The following BFSP2 variants were observed in gnomAD, a reference collection of about 807,000 sequenced individuals.
The protein encoded by BFSP2 is beaded filament structural protein 2, also known as phakinin.
Under a neutral mutation model 44.9 loss-of-function variants are expected in BFSP2, and 38 were observed. The observed-to-expected ratio is 0.85, with a 90% CI of 0.65 to 1.11. BFSP2 has a LOEUF of 1.11. BFSP2 is among the 50% of genes least tolerant of loss of function. The pLI, the probability that BFSP2 is intolerant of heterozygous loss-of-function variation, is 0.00. For synonymous variants in BFSP2, 197 were observed against 209.9 expected (o/e 0.94, Z 0.53); for missense variants, 525 against 533.0 (o/e 0.99, Z 0.15).
In BFSP2 at chr3:133,400,247, G is replaced by A. The variant is rs1039029166; in HGVS notation, c.164G>A (p.Gly55Glu). 4 of 1,613,830 alleles carry A rather than the reference G, an allele frequency of 2.5e-6. No homozygotes were observed. The highest frequency in any genetic ancestry group is 3.4e-6 in the Non-Finnish European group (4 of 1,179,940). The change falls in exon 1 of 7, where the codon GGG (glycine) becomes GAG (glutamate). Residue 55 changes from glycine to glutamate, a missense_variant. Gly to Glu is a moderately conservative substitution (Grantham distance 98). Transcript: ENST00000302334. The surrounding 1 kb of genome is among the most constrained non-coding windows in gnomAD (Gnocchi z 4.0). ...ATGAGTGGCCTTGTCCGAGCACCCG[G>A]GGTCTATGTAGGAACAGCACCCAGT... ...NAMSGLVRAP[G>E]VYVGTAPSGC...
chr3:133,461,359 C>A (rs75041750), intron 4 of BFSP2, among the ~76,000 whole-genome samples: 3 of 152,190 alleles, frequency 2.0e-5, no homozygotes, highest in Non-Finnish European at 4.4e-5. Context: ...AAAATGTCGA[C>A]ATGCTCTCCT....
chr3:133,422,105 CAA>C (rs35193779), intron 1 of BFSP2, among the ~76,000 whole-genome samples: 5 of 84,106 alleles, frequency 5.9e-5, no homozygotes, highest in Admixed American at 1.4e-4. Flanking sequence ...GACTCCATCT[CAA>C]AAAAAAAAAA....
At chr3:133,416,324 C>T (rs1349089556) in intron 1 of BFSP2, among the ~76,000 whole-genome samples, 10 of 143,250 alleles carry the variant, frequency 7.0e-5, no homozygotes, top group African/African-American at 2.4e-4. Flanking sequence ...TCTACTCACC[C>T]GTCCTCTCCC....
chr3:133,472,449 A>T lies in BFSP2; in HGVS notation c.1128A>T (p.Glu376Asp). 6.2e-7 allele frequency: 1 copy of T among 1,614,070 alleles called. No individual in the cohort carries two copies. The highest frequency in any genetic ancestry group is 8.5e-7 in the Non-Finnish European group (1 of 1,180,010). Reference protein sequence around the residue: ...VVGRLEAELREIRAEAEQQQQ... With the variant: ...VVGRLEAELRDIRAEAEQQQQ... ...GCCGGCTGGAGGCGGAGCTCAGGGA[A>T]ATCCGAGCGGAGGCGGAGCAGCAGC... Residue 376 changes from glutamate to aspartate, a missense_variant, in exon 6 of 7, where the codon GAA (glutamate) becomes GAT (aspartate). Physicochemically the swap from Glu to Asp is conservative, Grantham distance 45. Coordinates refer to ENST00000302334, the MANE Select transcript of BFSP2 (RefSeq NM_003571.4).
chr3:133,449,982 A>AAAGGAGGG (rs2073943688), intron 3 of BFSP2, among the ~76,000 whole-genome samples: 1 of 86,286 alleles, frequency 1.2e-5, no homozygotes, highest in Non-Finnish European at 2.3e-5. Flanking sequence ...GGAAAGAAGG[A>AAAGGAGGG]AAGGAAGGAA....
rs2074116457 is a variant in BFSP2 at position 133,466,944 on chromosome 3, A to G, written c.1008A>G (p.Glu336=). 1 of 1,613,954 alleles carries G rather than the reference A, an allele frequency of 6.2e-7. No homozygotes were observed. Among genetic ancestry groups the G allele is most frequent in the African/African-American group, 1.3e-5 (1 of 74,890 alleles). Residue 336 remains glutamate (E), a synonymous_variant, in exon 5 of 7, where the codon GAA becomes GAG. Coordinates refer to ENST00000302334, the MANE Select transcript of BFSP2 (RefSeq NM_003571.4). ...TCCAGAGCCTCCAGGCTGAGACAGA[A>G]TCCTTACGTGCCCTGGTAAGTGGGC... ...CQVQSLQAET[E]SLRALKRGLE...
chr3:133,447,499 C>T (rs2073914406), intron 2 of BFSP2, 100 bp downstream of exon 2: 2 of 1,227,872 alleles, frequency 1.6e-6, no homozygotes, highest in Non-Finnish European at 2.3e-6. Flanking sequence ...CACCTTCTAC[C>T]TCAGGGGAAG....
chr3:133,460,886 C>A (rs1440424490), intron 4 of BFSP2, among the ~76,000 whole-genome samples: 1 of 152,238 alleles, frequency 6.6e-6, no homozygotes, highest in African/African-American at 2.4e-5. Flanking sequence ...GTTGCAAAAA[C>A]CAGAGTGCTC....
chr3:133,413,177 A>T (rs1374618930), intron 1 of BFSP2, among the ~76,000 whole-genome samples: 1 of 152,146 alleles, frequency 6.6e-6, no homozygotes, highest in Non-Finnish European at 1.5e-5. Flanking sequence ...TAAATAAAAT[A>T]TGCAGTAATA....
chr3:133,424,245 T>TGTGTGTGTGTGTGTGTGTGTGTG (rs2073623766), intron 1 of BFSP2, among the ~76,000 whole-genome samples: 4 of 129,786 alleles, frequency 3.1e-5, no homozygotes, highest in Admixed American at 7.3e-5. Flanking sequence ...TTTTTTTGTA[T>TGTGTGTGTGTGTGTGTGTGTGTG]TTTTAGTAGA....
intron 4 of BFSP2, among the ~76,000 whole-genome samples, chr3:133,466,175 G>A (rs2074107719): frequency 1.3e-5 from 2 of 151,022 alleles, no homozygotes; most frequent in Admixed American, 6.6e-5. Context: ...CACGGGGGGG[G>A]CAATACATAT....
chr3:133,440,303 T>C (rs2073832867), intron 1 of BFSP2, among the ~76,000 whole-genome samples: 1 of 152,124 alleles, frequency 6.6e-6, no homozygotes, highest in South Asian at 2.1e-4. Flanking sequence ...CAATTCAAGA[T>C]GAGATTTGGG....
intron 1 of BFSP2, among the ~76,000 whole-genome samples, chr3:133,406,037 G>A (rs1432031439): frequency 1.1e-4 from 17 of 152,116 alleles, no homozygotes; most frequent in African/African-American, 1.2e-4. Flanking sequence ...TGCAACCTCC[G>A]CCTCCCGGGT....
chr3:133,429,932 T>A (rs1433659295), intron 1 of BFSP2, among the ~76,000 whole-genome samples: 52 of 150,818 alleles, frequency 3.4e-4, no homozygotes, highest in South Asian at 2.7e-3. Context: ...CAGTCCCCGG[T>A]GCGTGATGTT....
chr3:133,474,352 G>A (rs188291515), intron 6 of BFSP2, among the ~76,000 whole-genome samples: 16 of 152,306 alleles, frequency 1.1e-4, no homozygotes, highest in Non-Finnish European at 2.1e-4. Context: ...CACAGGAGGC[G>A]GAGACAGCAC....
chr3:133,401,955 C>A (rs2073365952), intron 1 of BFSP2, among the ~76,000 whole-genome samples: 1 of 152,154 alleles, frequency 6.6e-6, no homozygotes, highest in Non-Finnish European at 1.5e-5. Flanking sequence ...CTCAGGCTCT[C>A]CCCCTGGTGC....
chr3:133,438,757 C>A (rs971549900), intron 1 of BFSP2, among the ~76,000 whole-genome samples: 5 of 151,934 alleles, frequency 3.3e-5, no homozygotes, highest in Non-Finnish European at 7.4e-5. Context: ...ACAGATTTTC[C>A]AAGTGATATA....
At chr3:133,442,167 T>C (rs527422079) in intron 1 of BFSP2, among the ~76,000 whole-genome samples, 69 of 152,340 alleles carry the variant, frequency 4.5e-4, no homozygotes, top group Middle Eastern at 3.4e-3. Flanking sequence ...GGGCTTTCAC[T>C]TTCACTCTGT....
intron 1 of BFSP2, among the ~76,000 whole-genome samples, chr3:133,417,079 ACTCAGCCCTGCC>A (rs2073542000): frequency 1.1e-5 from 1 of 94,254 alleles, no homozygotes; most frequent in African/African-American, 4.4e-5. Context: ...TCTCCCTTCT[ACTCAGCCCTGCC>A]CTCTCCCCTC....
Sources: gnomAD v4.1 joint callset for allele counts (sites outside exome capture counted in the v4.1 genomes callset) on GRCh38, gnomAD v4.1.1 for gene constraint, Gnocchi (gnomAD v3.1) non-coding constraint, MANE v1.5 for transcripts, NCBI Gene and HGNC (gene_info 2026-07-23, HGNC 2026-07-21) for gene names.